The following OR9Q1 variants were observed in gnomAD, a reference collection of about 807,000 sequenced individuals.
OR9Q1 encodes olfactory receptor 9Q1.
For missense variants in OR9Q1, 374 were observed against 378.8 expected (o/e 0.99, Z 0.11); for synonymous variants, 153 against 148.6 (o/e 1.03, Z -0.22).
intron 1 of OR9Q1, among the ~76,000 whole-genome samples, chr11:58,037,687 A>C (rs1212639758): frequency 1.5e-4 from 1 of 6,528 alleles, no homozygotes; most frequent in African/African-American, 3.5e-4. Context: ...ATATATATAT[A>C]TATTTTTTTT....
At chr11:58,024,355 T>G (rs1163879591) in intron 1 of OR9Q1, among the ~76,000 whole-genome samples, 1 of 151,880 alleles carries the variant, frequency 6.6e-6, no homozygotes, top group Non-Finnish European at 1.5e-5. Context: ...TGTTGGCTGT[T>G]TTTTTTTGAA....
At chr11:58,075,385 A>C (rs552129814) in intron 2 of OR9Q1, 45 of 152,312 alleles carry the variant, frequency 3.0e-4, no homozygotes, top group African/African-American at 9.9e-4. Context: ...TAAAGCAGAC[A>C]GAACTTCAGG....
chr11:58,107,787 T>G (rs1395302231), intron 2 of OR9Q1, among the ~76,000 whole-genome samples: 1 of 152,164 alleles, frequency 6.6e-6, no homozygotes, highest in African/African-American at 2.4e-5. Flanking sequence ...TATAGTAGTT[T>G]TCAGTGTACC....
chr11:58,031,694 C>T (rs373192012), intron 1 of OR9Q1: 13 of 1,613,836 alleles, frequency 8.1e-6, no homozygotes, highest in Non-Finnish European at 9.3e-6. Flanking sequence ...CTGTGCAGCT[C>T]ACCTGACTGT....
chr11:58,072,889 T>G (rs1853501542), intron 2 of OR9Q1: 1 of 154,346 alleles, frequency 6.5e-6, no homozygotes. Flanking sequence ...TTTAGATGTA[T>G]CTGAAACCAG....
At chr11:58,149,891 T>A (rs1281524150) in intron 2 of OR9Q1, among the ~76,000 whole-genome samples, 1 of 152,204 alleles carries the variant, frequency 6.6e-6, no homozygotes, top group Non-Finnish European at 1.5e-5. Flanking sequence ...GTTTCTACAT[T>A]TTGGCTATTG....
chr11:58,124,915 T>C (rs893752568), intron 2 of OR9Q1, among the ~76,000 whole-genome samples: 4 of 152,206 alleles, frequency 2.6e-5, no homozygotes, highest in African/African-American at 9.6e-5. Context: ...ACAATGATCC[T>C]ACAAAAAAGG....
intron 2 of OR9Q1, 126 bp from the exon 3 acceptor site, chr11:58,179,287 GTGCTGATATTACAGGTGT>G (rs141851725): frequency 0.17 from 96,903 of 566,384 alleles, 7,996 homozygotes; most frequent in Admixed American, 0.22. Context: ...CGCTTCCAAA[GTGCTGATATTACAGGTGT>G]GAGCCACAGC....
At chr11:58,029,775 C>T (rs938751967) in intron 1 of OR9Q1, among the ~76,000 whole-genome samples, 5 of 151,652 alleles carry the variant, frequency 3.3e-5, no homozygotes, top group Non-Finnish European at 7.4e-5. Flanking sequence ...GGCATTTCTG[C>T]AGTTAAAGTC....
chr11:58,043,918 C>A (rs1307057422), intron 1 of OR9Q1, among the ~76,000 whole-genome samples: 1 of 152,142 alleles, frequency 6.6e-6, no homozygotes, highest in African/African-American at 2.4e-5. Flanking sequence ...AGGACCATGG[C>A]TTATTTGTTG....
intron 1 of OR9Q1, among the ~76,000 whole-genome samples, chr11:58,039,300 T>C (rs887801831): frequency 6.6e-6 from 1 of 152,254 alleles, no homozygotes; most frequent in Non-Finnish European, 1.5e-5. Context: ...AAATGGAATC[T>C]TCTTCATATC....
chr11:58,177,053 C>T (rs1391235612), intron 2 of OR9Q1, among the ~76,000 whole-genome samples: 2 of 152,140 alleles, frequency 1.3e-5, no homozygotes, highest in South Asian at 4.2e-4. Context: ...CTTTAATTAT[C>T]ATTTTTTTCC....
chr11:58,159,465 A>C (rs1043210451), intron 2 of OR9Q1, among the ~76,000 whole-genome samples: 1 of 151,840 alleles, frequency 6.6e-6, no homozygotes, highest in Non-Finnish European at 1.5e-5. Flanking sequence ...AAAAAAAAAA[A>C]CAGTCATTAG....
intron 2 of OR9Q1, among the ~76,000 whole-genome samples, chr11:58,067,971 C>G (rs1488654380): frequency 6.6e-6 from 1 of 152,112 alleles, no homozygotes. Context: ...GTAGGAGGAC[C>G]ATGCACCATG....
intron 2 of OR9Q1, among the ~76,000 whole-genome samples, chr11:58,071,153 T>C (rs1360563069): frequency 1.3e-5 from 2 of 152,192 alleles, no homozygotes; most frequent in African/African-American, 2.4e-5. Context: ...TGTTCCCAAA[T>C]GGGCTGCATA....
rs201952586 is a variant in OR9Q1 at position 58,082,770 on chromosome 11, T to TAATAAA, written c.-15+26825_-15+26826insTAAAAA. On this transcript the variant is annotated intron_variant, in intron 2 of 2. Coordinates refer to ENST00000335397, the MANE Select transcript of OR9Q1 (RefSeq NM_001005212.4). ...ATAATAATAATAATAATAATAATAATAAAAAGTTAGGTCTTCTTTTTTTAA... is the reference window on the plus strand; with the variant it reads ...ATAATAATAATAATAATAATAATAATAATAAAAAAAAGTTAGGTCTTCTTTTTTTAA... Among the ~76,000 whole-genome samples the TAATAAA allele has an allele frequency of 1.7e-4, 16 of 95,988 alleles. 1 individual carries two copies. The highest frequency in any genetic ancestry group is 4.3e-4 in the South Asian group (1 of 2,334). 63.0% of individuals were successfully genotyped at this position (95,988 alleles called of 152,430 possible).
rs368449432 is a variant in OR9Q1 at position 58,116,267 on chromosome 11, G to A, written c.-15+60320G>A. On this transcript the variant is annotated intron_variant, in intron 2 of 2. Coordinates refer to ENST00000335397, the MANE Select transcript of OR9Q1 (RefSeq NM_001005212.4). ...CCCCAGGCCAGAAGAAAGAAAAACC[G>A]AAGGAAAGTGTTTTGAGTTTTGTGC... Among the ~76,000 whole-genome samples the A allele has an allele frequency of 5.3e-5, 8 of 152,244 alleles. No individual in the cohort carries two copies. The East Asian group carries it at 5.8e-4, about 11-fold the overall frequency.
chr11:58,128,298 G>T (rs1338663644), intron 2 of OR9Q1, among the ~76,000 whole-genome samples: 1 of 149,148 alleles, frequency 6.7e-6, no homozygotes, highest in Non-Finnish European at 1.5e-5. Flanking sequence ...CAATTAACCT[G>T]CCTGATATAA....
chr11:58,119,174 C>T, intron 2 of OR9Q1: 1 of 1,614,030 alleles, frequency 6.2e-7, no homozygotes, highest in Non-Finnish European at 8.5e-7. Context: ...TAGGAGATGA[C>T]CGTTTTGCCT....
Sources: allele counts gnomAD v4.1 joint callset (sites outside exome capture counted in the v4.1 genomes callset), GRCh38; gene constraint gnomAD v4.1.1; transcripts MANE v1.5; gene names NCBI Gene and HGNC (gene_info 2026-07-23, HGNC 2026-07-21).